The following NELFCD variants were observed in gnomAD, a reference collection of about 807,000 sequenced individuals.
The protein encoded by NELFCD is negative elongation factor complex member C/D, also known as negative elongation factor C/D.
Under a neutral mutation model 72.9 loss-of-function variants are expected in NELFCD, and 48 were observed. The observed-to-expected ratio is 0.66, with a 90% CI of 0.52 to 0.84. NELFCD has a LOEUF of 0.84. NELFCD is among the 40% of genes least tolerant of loss of function. The probability of loss-of-function intolerance (pLI) is 0.00; values close to 1 mark genes in which losing one functional copy is unlikely to be tolerated. For missense variants in NELFCD, 538 were observed against 723.8 expected (o/e 0.74, Z 2.94); for synonymous variants, 297 against 280.6 (o/e 1.06, Z -0.59).
chr20:58,990,834 G>C, intron 7 of NELFCD, 76 bp from the exon 8 acceptor site: 2 of 1,302,546 alleles, frequency 1.5e-6, no homozygotes, highest in East Asian at 4.6e-5. Context: ...ACAATGCAAA[G>C]TATTATATGT....
intron 10 of NELFCD, among the ~76,000 whole-genome samples, 177 bp downstream of exon 10, chr20:58,992,197 T>C (rs2091822496): frequency 6.6e-6 from 1 of 152,220 alleles, no homozygotes; most frequent in African/African-American, 2.4e-5. Flanking sequence ...TGAGTAATTT[T>C]CAGATGTTTA....
intron 9 of NELFCD, 175 bp from the exon 10 acceptor site, chr20:58,991,706 C>A: frequency 1.3e-6 from 1 of 765,484 alleles, no homozygotes. Context: ...AAACACTAGT[C>A]TCATTGCTTT....
intron 8 of NELFCD, 26 bp from the exon 9 acceptor site, chr20:58,991,286 C>A (rs375215387): frequency 2.5e-6 from 4 of 1,613,612 alleles, no homozygotes; most frequent in South Asian, 1.1e-5. Context: ...CCTGCCATCC[C>A]GAACTGGGCA....
rs528919091 is a variant in NELFCD, at chr20:58,986,023, C to T, written c.61-70C>T. 6.2e-5 allele frequency: 62 copies of T among 1,003,018 alleles called. No homozygotes were observed. The highest frequency in any genetic ancestry group is 3.6e-4 in the African/African-American group (23 of 63,274). The allele number at this position is 1,003,018 out of a possible 1,614,324, so 62.1% of individuals were successfully genotyped here. A position where few individuals can be genotyped will look rare whatever the true frequency, so the allele number is the denominator to read the frequency against. On this transcript the variant is annotated intron_variant, in intron 1 of 14. Transcript: ENST00000652272. The surrounding 1 kb of genome is among the most constrained non-coding windows in gnomAD (Gnocchi z 4.4). ...TACTTTCAAAATGGGCAGCATTATACGATTTAAGGTGAGATTAGGGTATTT... is the reference window on the plus strand; with the variant it reads ...TACTTTCAAAATGGGCAGCATTATATGATTTAAGGTGAGATTAGGGTATTT...
intron 4 of NELFCD, chr20:58,988,064 T>C (rs1021993763): frequency 6.2e-6 from 3 of 481,748 alleles, no homozygotes; most frequent in South Asian, 5.1e-5. Context: ...TCCCACCATT[T>C]CCCCTCTCAG....
In NELFCD at chr20:58,987,713, G is replaced by C; in HGVS notation, c.292G>C (p.Glu98Gln). Residue 98 changes from glutamate to glutamine, a missense_variant, in exon 4 of 15, where the codon GAG becomes CAG. By Grantham distance (29) the Glu-to-Gln change is conservative. Transcript: ENST00000652272. ...LAEWLIQTGV[E>Q]PVQVQETVEN... ...TTGCTTTTATTCTCTTTCAGGTGTT[G>C]AGCCAGTGCAGGTTCAGGAAACTGT... is the stretch of plus-strand genomic sequence containing the variant. 1 of 1,613,946 alleles carries C rather than the reference G, an allele frequency of 6.2e-7. No homozygotes were observed. The highest frequency in any genetic ancestry group is 8.5e-7 in the Non-Finnish European group (1 of 1,179,842).
chr20:58,981,659 C>T (rs1229857641), intron 1 of NELFCD, among the ~76,000 whole-genome samples: 2 of 151,396 alleles, frequency 1.3e-5, no homozygotes, highest in Non-Finnish European at 3.0e-5. Context: ...GCCCCCAGTA[C>T]CCCCTCGCTC....
intron 7 of NELFCD, 29 bp downstream of exon 7, chr20:58,990,017 T>C (rs1252057262): frequency 6.2e-7 from 1 of 1,606,356 alleles, no homozygotes; most frequent in Non-Finnish European, 8.5e-7. Flanking sequence ...GCTCAGCCCT[T>C]CCTTCCTAGT....
In NELFCD at chr20:58,986,330, G is replaced by T. The variant is rs573955721; in HGVS notation, c.176+122G>T. On this transcript the variant is annotated intron_variant, in intron 2 of 14. Transcript: ENST00000652272. This position sits in a 1 kb window ranked among gnomAD's most constrained non-coding sequence, Gnocchi z 4.4. ...CGCGAACTGAACTAAAGGCTTCAAGGGGGGGTCCCCTCTGCCACTTTTTTT... is the reference window on the plus strand; with the variant it reads ...CGCGAACTGAACTAAAGGCTTCAAGTGGGGGTCCCCTCTGCCACTTTTTTT... The T allele has an allele frequency of 6.0e-6, 4 of 665,016 alleles. No homozygotes were observed. Among genetic ancestry groups the T allele is most frequent in the Non-Finnish European group, 5.2e-6 (2 of 386,724 alleles). The allele number at this position is 665,016 out of a possible 1,614,324, so 41.2% of individuals were successfully genotyped here.
chr20:58,987,205 T>C, intron 3 of NELFCD: 1 of 283,848 alleles, frequency 3.5e-6, no homozygotes, highest in Non-Finnish European at 6.5e-6. Flanking sequence ...AAATGACGGA[T>C]AATTTAGGAC....
chr20:58,984,402 G>T (rs191273460), intron 1 of NELFCD, among the ~76,000 whole-genome samples: 14 of 152,296 alleles, frequency 9.2e-5, no homozygotes, highest in Non-Finnish European at 1.6e-4. Context: ...GACTTCAGGG[G>T]AATGTTGCTA....
intron 1 of NELFCD, among the ~76,000 whole-genome samples, chr20:58,983,139 C>CTTT (rs372138052): frequency 3.0e-5 from 4 of 134,584 alleles, no homozygotes; most frequent in Non-Finnish European, 4.8e-5. Flanking sequence ...GCCTTTTTTT[C>CTTT]TTTTTTTTTT....
chr20:58,992,944 C>A, intron 10 of NELFCD, 54 bp from the exon 11 acceptor site: 1 of 1,280,486 alleles, frequency 7.8e-7, no homozygotes, highest in Non-Finnish European at 1.1e-6. Context: ...GCTTTTCTAG[C>A]ATATTTTGTG....
chr20:58,988,409 C>T (rs2091788232), intron 4 of NELFCD, among the ~76,000 whole-genome samples: 1 of 152,216 alleles, frequency 6.6e-6, no homozygotes, highest in South Asian at 2.1e-4. Context: ...CTGCTGCATT[C>T]CATCTGTGGC....
intron 7 of NELFCD, chr20:58,990,381 C>T: frequency 6.2e-6 from 1 of 160,324 alleles, no homozygotes; most frequent in Admixed American, 6.4e-5. Flanking sequence ...GCCTGGGCAA[C>T]AAGAGCAAAA....
At chr20:58,990,258 G>T in intron 7 of NELFCD, 2 of 394,288 alleles carry the variant, frequency 5.1e-6, no homozygotes, top group Non-Finnish European at 9.4e-6. Context: ...AAATTAGCCG[G>T]GTGTGGCGGC....
intron 6 of NELFCD, 75 bp from the exon 7 acceptor site, chr20:58,989,783 T>C (rs1426670030): frequency 2.5e-6 from 4 of 1,610,080 alleles, no homozygotes; most frequent in Non-Finnish European, 8.5e-7. Context: ...CCGAGCACGG[T>C]GGAGGCTTGG....
rs778037500 is a variant in NELFCD at position 58,991,869 on chromosome 20, G to A, written c.1090-12G>A. On this transcript the variant is annotated splice_polypyrimidine_tract_variant and intron_variant, in intron 9 of 14. Coordinates refer to ENST00000652272, the MANE Select transcript of NELFCD (RefSeq NM_198976.4). ...CCCTGTCAGGCTCACCAGCTTGTGT[G>A]TGTGTTTTCAGAACAAGCGAGTGAG... 2 of 1,613,396 alleles carry A rather than the reference G, an allele frequency of 1.2e-6. No homozygotes were observed. The highest frequency in any genetic ancestry group is 2.7e-5 in the African/African-American group (2 of 74,932).
chr20:58,991,681 C>T, intron 9 of NELFCD, 200 bp from the exon 10 acceptor site: 3 of 745,082 alleles, frequency 4.0e-6, no homozygotes, highest in Non-Finnish European at 6.4e-6. Context: ...AAACTGATTT[C>T]CGTAAGACAT....
Sources: gnomAD v4.1 joint callset for allele counts (sites outside exome capture counted in the v4.1 genomes callset) on GRCh38, gnomAD v4.1.1 for gene constraint, Gnocchi (gnomAD v3.1) non-coding constraint, MANE v1.5 for transcripts, NCBI Gene and HGNC (gene_info 2026-07-23, HGNC 2026-07-21) for gene names.